The following SHQ1 variants were observed in gnomAD, a reference collection of about 807,000 sequenced individuals.
SHQ1 encodes the protein SHQ1, H/ACA ribonucleoprotein assembly factor, also known as protein SHQ1 homolog.
Under a neutral mutation model 53.8 loss-of-function variants are expected in SHQ1, and 49 were observed. The observed-to-expected ratio is 0.91, with a 90% confidence interval of 0.72 to 1.16. The LOEUF is 1.16. Among genes scored for constraint, SHQ1 ranks in the 50% most tolerant of loss-of-function variants. The pLI is 0.00. For missense variants in SHQ1, 738 were observed against 683.1 expected, an observed-to-expected ratio of 1.08 and a Z score of -0.90; for synonymous variants, 243 against 251.0, an observed-to-expected ratio of 0.97 and a Z score of 0.30.
In SHQ1 at chr3:72,812,670, C is replaced by T. The variant is rs752415535; in HGVS notation, c.1060+1G>A. On this transcript the variant is annotated splice_donor_variant, in intron 9 of 10. Transcript: ENST00000325599. LOFTEE classifies it high-confidence loss of function. Reference sequence around the variant, plus strand: ...AATTTGCAAGTACAGTAATATCTTACCCAGTTGCAATATCTTTATAGTGTC... The same window carrying T: ...AATTTGCAAGTACAGTAATATCTTATCCAGTTGCAATATCTTTATAGTGTC... The T allele has an allele frequency of 3.1e-6, 5 of 1,613,816 alleles. No individual in the cohort carries two copies. The highest frequency in any genetic ancestry group is 4.2e-6 in the Non-Finnish European group (5 of 1,179,872).
chr3:72,768,868 C>T (rs565489278), intron 10 of SHQ1, among the ~76,000 whole-genome samples: 23 of 152,170 alleles, frequency 1.5e-4, no homozygotes, highest in Non-Finnish European at 2.6e-4. Flanking sequence ...TCTAGAACCC[C>T]GCTGCAGCTT....
rs138071003 is a variant in SHQ1 at position 72,781,344 on chromosome 3, C to G, written c.1181+11572G>C. On this transcript the variant is annotated intron_variant, in intron 10 of 10. Transcript: ENST00000325599. ...GTGCTGGGATTATGGGCGTGAGACA[C>G]CATGCACAGCCTCAGGTGAGATTTT... Among the ~76,000 whole-genome samples the G allele has an allele frequency of 9.3e-3, 1,418 of 152,164 alleles. 24 individuals carry two copies. Among genetic ancestry groups the G allele is most frequent in the African/African-American group, 0.032 (1,334 of 41,526 alleles).
chr3:72,781,586 A>T (rs950802158), intron 10 of SHQ1, among the ~76,000 whole-genome samples: 1 of 152,106 alleles, frequency 6.6e-6, no homozygotes, highest in Non-Finnish European at 1.5e-5. Context: ...GAAAGAAGAG[A>T]CCATATCATC....
intron 9 of SHQ1, among the ~76,000 whole-genome samples, chr3:72,812,118 T>C (rs560204301): frequency 1.3e-5 from 2 of 152,362 alleles, no homozygotes; most frequent in East Asian, 1.9e-4. Flanking sequence ...AGGTTGAATT[T>C]AGCAAGTCAA....
At chr3:72,796,637 A>G (rs1706632622) in intron 9 of SHQ1, among the ~76,000 whole-genome samples, 1 of 151,950 alleles carries the variant, frequency 6.6e-6, no homozygotes. Flanking sequence ...CCTGGTCAAC[A>G]TGGTGAAACC....
At chr3:72,797,309 C>T (rs1706655898) in intron 9 of SHQ1, among the ~76,000 whole-genome samples, 1 of 151,998 alleles carries the variant, frequency 6.6e-6, no homozygotes, top group Non-Finnish European at 1.5e-5. Flanking sequence ...GACATATATA[C>T]CCAAATGATA....
chr3:72,753,374 G>A (rs1361566281), intron 10 of SHQ1: 10 of 985,260 alleles, frequency 1.0e-5, no homozygotes, highest in East Asian at 1.1e-4. Flanking sequence ...GGGAAATACC[G>A]AACAAAGATG....
At chr3:72,770,278 T>C (rs1449714216) in intron 10 of SHQ1, among the ~76,000 whole-genome samples, 1 of 152,236 alleles carries the variant, frequency 6.6e-6, no homozygotes, top group Non-Finnish European at 1.5e-5. Context: ...TTTAAATGGC[T>C]TGTCCAAGGC....
At chr3:72,812,200 C>T (rs1240693013) in intron 9 of SHQ1, among the ~76,000 whole-genome samples, 4 of 152,158 alleles carry the variant, frequency 2.6e-5, no homozygotes, top group African/African-American at 9.7e-5. Context: ...TACATGTCCC[C>T]TCCTAAACGA....
At chr3:72,752,902 A>C in intron 10 of SHQ1, 1 of 765,572 alleles carries the variant, frequency 1.3e-6, no homozygotes, top group Non-Finnish European at 1.6e-6. Flanking sequence ...TGACCTCGTG[A>C]TCCACCTACC....
chr3:72,726,029 A>C, the SHQ1 span, among the ~76,000 whole-genome samples: 1 of 152,202 alleles, frequency 6.6e-6, no homozygotes, highest in Non-Finnish European at 1.5e-5. Flanking sequence ...GCTACTCAGG[A>C]GGCCAAGGCA....
At chr3:72,782,150 G>A (rs1038468496) in intron 10 of SHQ1, among the ~76,000 whole-genome samples, 1 of 152,122 alleles carries the variant, frequency 6.6e-6, no homozygotes. Context: ...ATGTGAAAAG[G>A]ACAATAGAAA....
chr3:72,821,842 C>T (rs1478732190), intron 6 of SHQ1, among the ~76,000 whole-genome samples: 1 of 152,200 alleles, frequency 6.6e-6, no homozygotes, highest in Non-Finnish European at 1.5e-5. Flanking sequence ...GCTCAACACA[C>T]TTCAATTTAT....
chr3:72,761,311 A>G (rs2106718534), intron 10 of SHQ1, among the ~76,000 whole-genome samples: 1 of 152,194 alleles, frequency 6.6e-6, no homozygotes. Context: ...AGCCAGGATT[A>G]GAAGCACACA....
chr3:72,732,371 TGCCTGCCTG>T, the SHQ1 span, among the ~76,000 whole-genome samples: 1 of 131,316 alleles, frequency 7.6e-6, no homozygotes, highest in Non-Finnish European at 1.6e-5. Flanking sequence ...CCTGCCTGCC[TGCCTGCCTG>T]CCTGCCTGCC....
At chr3:72,821,303 G>A (rs534464679) in intron 6 of SHQ1, among the ~76,000 whole-genome samples, 5 of 152,308 alleles carry the variant, frequency 3.3e-5, no homozygotes, top group South Asian at 4.1e-4. Flanking sequence ...AAGCAATAAC[G>A]TGCCAAGACT....
intron 10 of SHQ1, chr3:72,753,196 T>G (rs996829539): frequency 2.0e-6 from 2 of 985,286 alleles, no homozygotes; most frequent in Admixed American, 1.2e-4. Flanking sequence ...TGACATGGTT[T>G]CTATGTTTCC....
intron 6 of SHQ1, among the ~76,000 whole-genome samples, chr3:72,820,553 T>C (rs1707445497): frequency 6.6e-6 from 1 of 152,140 alleles, no homozygotes; most frequent in Non-Finnish European, 1.5e-5. Context: ...GTAAATCATA[T>C]CACCCAAAGG....
chr3:72,837,774 C>T (rs1708045602), intron 4 of SHQ1, among the ~76,000 whole-genome samples: 1 of 152,254 alleles, frequency 6.6e-6, no homozygotes, highest in South Asian at 2.1e-4. Flanking sequence ...ATTAACCTTA[C>T]ATGATCACTC....
Sources: gnomAD v4.1 joint callset for allele counts (sites outside exome capture counted in the v4.1 genomes callset) on GRCh38, gnomAD v4.1.1 for gene constraint, MANE v1.5 for transcripts, NCBI Gene and HGNC (gene_info 2026-07-23, HGNC 2026-07-21) for gene names.